Variants in ERBIN observed in about 807,000 individuals in gnomAD.
ERBIN encodes erbb2 interacting protein.
A neutral mutation model predicts 158.4 loss-of-function variants in ERBIN; 60 were observed. The ratio of observed to expected loss-of-function variants is 0.38; its 90% CI spans 0.31 to 0.47. ERBIN has a LOEUF of 0.47. Among genes scored for constraint, ERBIN ranks in the 20% least tolerant of loss-of-function variants. ERBIN has a pLI of 0.99. For synonymous variants in ERBIN, 594 were observed against 557.2 expected (o/e 1.07, Z -0.93); for missense variants, 1,610 against 1,648.0 (o/e 0.98, Z 0.40).
intron 1 of ERBIN, among the ~76,000 whole-genome samples, chr5:65,940,876 G>C (rs556993930): frequency 4.6e-5 from 7 of 152,152 alleles, no homozygotes; most frequent in African/African-American, 1.2e-4. Context: ...GAATAGAAAG[G>C]GGGGAAAGGC....
At chr5:65,945,301 G>GGAAT (rs368714307) in intron 1 of ERBIN, among the ~76,000 whole-genome samples, 4 of 152,078 alleles carry the variant, frequency 2.6e-5, no homozygotes, top group African/African-American at 9.7e-5. Flanking sequence ...AAAGAATGTT[G>GGAAT]GAATATTCCA....
chr5:66,029,671 C>G (rs1317928424), intron 14 of ERBIN, among the ~76,000 whole-genome samples: 1 of 152,160 alleles, frequency 6.6e-6, no homozygotes, highest in Non-Finnish European at 1.5e-5. Flanking sequence ...GTGACGTGAC[C>G]TCAGCTCACT....
chr5:66,026,268 A>G, intron 12 of ERBIN, 34 bp from the exon 13 acceptor site: 1 of 1,447,436 alleles, frequency 6.9e-7, no homozygotes, highest in Non-Finnish European at 9.3e-7. Context: ...TGTAGGCCAA[A>G]TTTTTTGATA....
intron 1 of ERBIN, among the ~76,000 whole-genome samples, chr5:65,931,839 G>A (rs1378268503): frequency 7.5e-6 from 1 of 133,968 alleles, no homozygotes; most frequent in African/African-American, 2.7e-5. Context: ...TTTTTTTTGA[G>A]ATGGAGTTTG....
chr5:66,068,340 A>ATT (rs1270391899), intron 21 of ERBIN, among the ~76,000 whole-genome samples: 1 of 151,426 alleles, frequency 6.6e-6, no homozygotes, highest in African/African-American at 2.4e-5. Flanking sequence ...AAAAAAAAAA[A>ATT]TTTTTGAAGT....
intron 1 of ERBIN, among the ~76,000 whole-genome samples, chr5:65,932,014 C>T (rs1363883140): frequency 6.6e-6 from 1 of 151,862 alleles, no homozygotes; most frequent in Non-Finnish European, 1.5e-5. Context: ...GACAGGGTTT[C>T]TCCACGTTGG....
rs543164658 is a variant in ERBIN at position 65,952,913 on chromosome 5, G to A, written c.-58+26107G>A. 5.9e-5 allele frequency among the ~76,000 whole-genome samples: 9 copies of A among 152,228 alleles called. No homozygotes were observed. In the South Asian group the frequency reaches 1.2e-3, roughly 21 times the overall value. On this transcript the variant is annotated intron_variant, in intron 1 of 25. Coordinates refer to ENST00000284037, the MANE Select transcript of ERBIN (RefSeq NM_001253697.2). ...ACAAATGGAGTGTCACATACCGTAC[G>A]TCTAATTTAAAAGTTATAAATCAAT...
chr5:65,931,041 C>T (rs540277947), intron 1 of ERBIN, among the ~76,000 whole-genome samples: 69 of 152,042 alleles, frequency 4.5e-4, no homozygotes, highest in African/African-American at 1.5e-3. Context: ...TTGTGGAAGA[C>T]GATAGAAAAG....
At position 65,946,748 on chromosome 5, in the gene ERBIN, A is replaced by G. The variant is rs969748307; in HGVS notation, c.-58+19942A>G. Among the ~76,000 whole-genome samples, 12 of 148,818 alleles carry G rather than the reference A, an allele frequency of 8.1e-5. 1 individual carries two copies. Among genetic ancestry groups the G allele is most frequent in the Non-Finnish European group, 1.3e-4 (9 of 67,308 alleles). Reference sequence around the variant, plus strand: ...CATTCCCACCAGCAGTGTATGAGAGATCTAGTTTTTCCACATCCTAGCCAG... The same window carrying G: ...CATTCCCACCAGCAGTGTATGAGAGGTCTAGTTTTTCCACATCCTAGCCAG... On this transcript the variant is annotated intron_variant, in intron 1 of 25. Transcript: ENST00000284037.
chr5:66,081,747 A>G lies in ERBIN; in HGVS notation c.*3217A>G, dbSNP rs1202691400. On this transcript the variant is annotated 3_prime_UTR_variant, in exon 26 of 26. Transcript: ENST00000284037. ...TGATGGAGATTGACGTGTGAAATCT[A>G]TTTGGAAGGGTATTTTTTTCACTCA... 2.0e-5 allele frequency: 3 copies of G among 152,116 alleles called. No homozygotes were observed. The highest frequency in any genetic ancestry group is 4.4e-5 in the Non-Finnish European group (3 of 67,984). 9.4% of individuals were successfully genotyped at this position (152,116 alleles called of 1,614,324 possible).
Position 66,054,490 on chromosome 5 carries a change from G to T in ERBIN, c.3172G>T (p.Ala1058Ser). 1 of 1,614,116 alleles carries T rather than the reference G, an allele frequency of 6.2e-7. No individual in the cohort carries two copies. The highest frequency in any genetic ancestry group is 1.1e-5 in the South Asian group (1 of 91,084). The change falls in exon 21 of 26, where the codon GCC becomes TCC. Residue 1058 changes from alanine (A) to serine (S), a missense_variant. By Grantham distance (99) the Ala-to-Ser change is moderately conservative (BLOSUM62 1). This residue lies in a region of ERBIN where 1,014 missense variants were observed against 936.1 expected (regional missense o/e 1.08). Transcript: ENST00000284037. ...LGPARHGEMW[A>S]ISPNDRLIPA... ...CCCAGCAAGACATGGGGAAATGTGG[G>T]CCATCTCACCAAACGACCGACTTAT...
At chr5:66,052,215 G>T (rs1332536116) in intron 20 of ERBIN, among the ~76,000 whole-genome samples, 2 of 148,530 alleles carry the variant, frequency 1.3e-5, no homozygotes, top group Non-Finnish European at 3.0e-5. Flanking sequence ...AAAAAAAAAA[G>T]ATCGGGGTTA....
chr5:65,995,525 C>T (rs1015129996), intron 4 of ERBIN, among the ~76,000 whole-genome samples: 8 of 152,090 alleles, frequency 5.3e-5, no homozygotes, highest in African/African-American at 1.7e-4. Context: ...TTCATTCATC[C>T]GTTGATGGAC....
At chr5:66,018,844 C>A (rs1294023804) in intron 7 of ERBIN, among the ~76,000 whole-genome samples, 1 of 151,024 alleles carries the variant, frequency 6.6e-6, no homozygotes, top group Admixed American at 6.6e-5. Context: ...ACCATGTTAG[C>A]CAGGATGGTC....
chr5:66,060,654 C>A (rs1414092942), intron 21 of ERBIN, among the ~76,000 whole-genome samples: 1 of 152,108 alleles, frequency 6.6e-6, no homozygotes, highest in Admixed American at 6.5e-5. Context: ...TTAGATCTTT[C>A]CTGCTTTCTC....
intron 22 of ERBIN, 98 bp downstream of exon 22, chr5:66,072,389 T>C (rs1484815692): frequency 1.7e-6 from 2 of 1,208,428 alleles, no homozygotes; most frequent in Non-Finnish European, 2.2e-6. Flanking sequence ...AAAATACTTT[T>C]TTGAGGGCTT....
chr5:66,054,237 T>G lies in ERBIN; in HGVS notation c.2919T>G (p.Gly973=). Residue 973 remains glycine (G), a synonymous_variant, in exon 21 of 26, where the codon GGT becomes GGG. Transcript: ENST00000284037. ...CACAATCTGCACCTCAAATATATGG[T>G]CCTCCACAGTATAATATCCAATACA... ...SGPQSAPQIY[G]PPQYNIQYSS... 1 of 1,614,132 alleles carries G rather than the reference T, an allele frequency of 6.2e-7. No individual in the cohort carries two copies. The highest frequency in any genetic ancestry group is 8.5e-7 in the Non-Finnish European group (1 of 1,180,020).
At chr5:66,028,782 ATATCCCAATC>A (rs1426682885) in intron 14 of ERBIN, among the ~76,000 whole-genome samples, 1 of 152,110 alleles carries the variant, frequency 6.6e-6, no homozygotes, top group East Asian at 1.9e-4. Flanking sequence ...TTTGACCAAT[ATATCCCAATC>A]CATGTTCCAG....
rs1250756574 is a variant in ERBIN, at chr5:66,079,916, A to G, written c.*1386A>G. 1.3e-5 allele frequency: 2 copies of G among 152,274 alleles called. No individual in the cohort carries two copies. Among genetic ancestry groups the G allele is most frequent in the Admixed American group, 6.5e-5 (1 of 15,292 alleles). The allele number at this position is 152,274 out of a possible 1,614,324, so 9.4% of individuals were successfully genotyped here. On this transcript the variant is annotated 3_prime_UTR_variant, in exon 26 of 26. Coordinates refer to ENST00000284037, the MANE Select transcript of ERBIN (RefSeq NM_001253697.2). Reference sequence around the variant, plus strand: ...CATTAATTTTATTTGTTTTTGTTCTATGTAATCAAATAAAATTTGAGTAAC... The same window carrying G: ...CATTAATTTTATTTGTTTTTGTTCTGTGTAATCAAATAAAATTTGAGTAAC...
Sources: allele counts gnomAD v4.1 joint callset (sites outside exome capture counted in the v4.1 genomes callset), GRCh38; gene constraint gnomAD v4.1.1; regional missense constraint gnomAD v4.1.1; transcripts MANE v1.5; gene names NCBI Gene and HGNC (gene_info 2026-07-23, HGNC 2026-07-21).